Variants in SMC5 observed in about 807,000 individuals in gnomAD.
SMC5 encodes the protein structural maintenance of chromosomes 5, also known as structural maintenance of chromosomes protein 5.
In SMC5, 88 loss-of-function variants were observed where a neutral mutation model predicts 148.3. The ratio of observed to expected loss-of-function variants is 0.59; its 90% CI spans 0.50 to 0.71. The LOEUF is 0.71. SMC5 is among the 30% of genes least tolerant of loss of function. The pLI is 0.00. For missense variants in SMC5, 1,142 were observed against 1,298.9 expected, an observed-to-expected ratio of 0.88 and a Z score of 1.86; for synonymous variants, 421 against 432.8, an observed-to-expected ratio of 0.97 and a Z score of 0.34.
chr9:70,333,696 A>T (rs2036283345), intron 17 of SMC5, among the ~76,000 whole-genome samples: 1 of 152,174 alleles, frequency 6.6e-6, no homozygotes, highest in Admixed American at 6.5e-5. Flanking sequence ...ATGTCACTGC[A>T]CTCCAGCCTG....
At chr9:70,295,301 TAA>T (rs11320419) in intron 8 of SMC5, among the ~76,000 whole-genome samples, 49 of 149,006 alleles carry the variant, frequency 3.3e-4, no homozygotes, top group African/African-American at 7.4e-4. Context: ...CTGTCTCTAC[TAA>T]AAAAAAAAAT....
chr9:70,319,058 G>A (rs1259195969), intron 15 of SMC5, 95 bp downstream of exon 15: 49 of 1,088,902 alleles, frequency 4.5e-5, no homozygotes, highest in Non-Finnish European at 5.9e-5. Context: ...CCACAAGCAC[G>A]CTTTGTAGTA....
chr9:70,311,396 C>G (rs1587677882), intron 11 of SMC5: 1 of 152,046 alleles, frequency 6.6e-6, no homozygotes, highest in East Asian at 1.9e-4. Flanking sequence ...ACTATCTTAC[C>G]TAGGTGTGGT....
intron 3 of SMC5, among the ~76,000 whole-genome samples, chr9:70,275,724 A>C (rs1388650222): frequency 1.3e-5 from 2 of 151,804 alleles, no homozygotes; most frequent in Admixed American, 1.3e-4. Flanking sequence ...TAAGTATGTT[A>C]GTTTCATATA....
chr9:70,326,934 ATAT>A (rs1230613435), intron 17 of SMC5, among the ~76,000 whole-genome samples: 3 of 152,146 alleles, frequency 2.0e-5, no homozygotes, highest in Admixed American at 6.5e-5. Context: ...TATTCTGAAA[ATAT>A]TATAGAGTAA....
At chr9:70,298,770 G>A (rs982609710) in intron 9 of SMC5, among the ~76,000 whole-genome samples, 1 of 151,506 alleles carries the variant, frequency 6.6e-6, no homozygotes, top group Non-Finnish European at 1.5e-5. Flanking sequence ...AAGGATAGAA[G>A]GGTGGCACAA....
chr9:70,321,688 C>G (rs1358470871), intron 15 of SMC5, among the ~76,000 whole-genome samples: 1 of 152,106 alleles, frequency 6.6e-6, no homozygotes, highest in Admixed American at 6.6e-5. Flanking sequence ...AGCCAAAAGT[C>G]TTTTCTAAAC....
intron 11 of SMC5, among the ~76,000 whole-genome samples, chr9:70,306,162 T>C (rs895643881): frequency 1.3e-5 from 2 of 152,240 alleles, no homozygotes; most frequent in African/African-American, 4.8e-5. Flanking sequence ...GTATTGTCTG[T>C]AAGACTTCTT....
In SMC5 at chr9:70,347,995, C is replaced by A. The variant is rs780124157; in HGVS notation, c.2846C>A (p.Ser949Tyr). Reference protein sequence around the residue: ...INEKFSNFFSSMQCAGEVDLH... With the variant: ...INEKFSNFFSYMQCAGEVDLH... ...GAAAAATTCAGCAATTTTTTTAGTT[C>A]CATGCAGTGTGCTGGTGAAGTTGAT... Residue 949 changes from serine (S) to tyrosine (Y), a missense_variant, in exon 22 of 25, where the codon TCC (serine) becomes TAC (tyrosine). Ser to Tyr is a moderately radical substitution (Grantham distance 144, BLOSUM62 -2). This residue lies in a region of SMC5 where 743 missense variants were observed against 835.7 expected (regional missense o/e 0.89). Transcript: ENST00000361138. The A allele has an allele frequency of 1.9e-6, 3 of 1,605,730 alleles. No individual in the cohort carries two copies. Among genetic ancestry groups the A allele is most frequent in the Non-Finnish European group, 2.5e-6 (3 of 1,177,128 alleles).
intron 11 of SMC5, among the ~76,000 whole-genome samples, chr9:70,309,432 G>A (rs1247406027): frequency 7.2e-6 from 1 of 139,384 alleles, no homozygotes; most frequent in Non-Finnish European, 1.5e-5. Flanking sequence ...GAGCCACCGC[G>A]CCCAGCCTAG....
At chr9:70,347,812 G>A (rs2036706693) in intron 21 of SMC5, 95 bp downstream of exon 21, 2 of 1,254,426 alleles carry the variant, frequency 1.6e-6, no homozygotes, top group South Asian at 1.5e-5. Flanking sequence ...TCTAAGAGAA[G>A]TGTGTTATGC....
chr9:70,342,127 T>A (rs1440370828), intron 17 of SMC5, among the ~76,000 whole-genome samples: 3 of 151,226 alleles, frequency 2.0e-5, no homozygotes, highest in Admixed American at 6.6e-5. Context: ...TTCTCAGTAA[T>A]CTATCACAAG....
intron 2 of SMC5, among the ~76,000 whole-genome samples, chr9:70,265,373 T>C (rs549890413): frequency 2.0e-5 from 3 of 152,054 alleles, no homozygotes; most frequent in Non-Finnish European, 4.4e-5. Flanking sequence ...GCAGGAGAAT[T>C]GCTTGAATCC....
intron 1 of SMC5, among the ~76,000 whole-genome samples, chr9:70,262,876 T>C (rs1026801319): frequency 2.0e-5 from 3 of 151,708 alleles, no homozygotes; most frequent in Admixed American, 1.3e-4. Flanking sequence ...AAATACATCG[T>C]AGAATCAGAA....
At chr9:70,317,302 T>G (rs2035829033) in intron 13 of SMC5, among the ~76,000 whole-genome samples, 1 of 152,194 alleles carries the variant, frequency 6.6e-6, no homozygotes, top group South Asian at 2.1e-4. Context: ...TAACAGTATA[T>G]CCTATTTATG....
At position 70,315,576 on chromosome 9, in the gene SMC5, C is replaced by T. The variant is rs749001730; in HGVS notation, c.1804C>T (p.Arg602Trp). Residue 602 changes from arginine (R) to tryptophan (W), a missense_variant and splice_region_variant, in exon 13 of 25, where the codon CGG becomes TGG. Transcript: ENST00000361138. ...GTEKTRERIERVIQETRLKQI... is the reference protein window; with the variant it reads ...GTEKTRERIEWVIQETRLKQI... ...TGAAAAGACCAGAGAAAGAATTGAA[C>T]GGGTAGGAAAGTAGTGAATCATGTA... The T allele has an allele frequency of 3.8e-6, 6 of 1,568,164 alleles. No individual in the cohort carries two copies. The Admixed American group carries it at 5.3e-5, about 14-fold the overall frequency.
At chr9:70,262,796 G>A (rs892163844) in intron 1 of SMC5, among the ~76,000 whole-genome samples, 1 of 152,142 alleles carries the variant, frequency 6.6e-6, no homozygotes, top group Non-Finnish European at 1.5e-5. Flanking sequence ...ATAAGAGGGT[G>A]GGTCTTTACC....
intron 1 of SMC5, among the ~76,000 whole-genome samples, chr9:70,262,947 G>A (rs1313081821): frequency 6.7e-6 from 1 of 149,284 alleles, no homozygotes; most frequent in African/African-American, 2.4e-5. Flanking sequence ...AAAATCCCCC[G>A]CCTACCCCCG....
At chr9:70,314,552 G>A (rs1282621771) in intron 11 of SMC5, among the ~76,000 whole-genome samples, 190 bp from the exon 12 acceptor site, 72 of 150,964 alleles carry the variant, frequency 4.8e-4, no homozygotes, top group Non-Finnish European at 1.3e-4. Flanking sequence ...AAAAGAAGTG[G>A]ACTCTTTTTA....
Sources: gnomAD v4.1 joint callset for allele counts (sites outside exome capture counted in the v4.1 genomes callset) on GRCh38, gnomAD v4.1.1 for gene constraint, gnomAD v4.1.1 regional missense constraint, MANE v1.5 for transcripts, NCBI Gene and HGNC (gene_info 2026-07-23, HGNC 2026-07-21) for gene names.